ASB2: variants seen among roughly 807,000 people sequenced by gnomAD.
The protein encoded by ASB2 is ankyrin repeat and SOCS box containing 2.
Under a neutral mutation model 62.4 loss-of-function variants are expected in ASB2, and 58 were observed. The observed-to-expected ratio is 0.93, with a 90% confidence interval of 0.75 to 1.16. The LOEUF (loss-of-function observed/expected upper bound fraction) is 1.16. ASB2 is among the 50% of genes most tolerant of loss of function. ASB2 has a pLI of 0.00. For synonymous variants in ASB2, 386 were observed against 385.3 expected, an observed-to-expected ratio of 1.00 and a Z score of -0.02; for missense variants, 928 against 887.9, an observed-to-expected ratio of 1.05 and a Z score of -0.57.
intron 2 of ASB2, among the ~76,000 whole-genome samples, chr14:93,963,841 A>G (rs571862429): frequency 1.3e-3 from 191 of 152,200 alleles, no homozygotes; most frequent in African/African-American, 4.3e-3. Context: ...TCATATCTGG[A>G]TGGCGCTGCT....
Position 93,939,464 on chromosome 14 carries a change from T to A in ASB2, c.1261A>T (p.Asn421Tyr), listed in dbSNP as rs1341228817. ...RSSALYFAVVNNNVYATELLL... is the reference protein window; with the variant it reads ...RSSALYFAVVYNNVYATELLL... The stretch of plus-strand genomic sequence containing the variant: ...AGCTCGGTGGCGTACACGTTGTTGT[T>A]GACCACCGCGAAGTACAGCGCGGAG... The change falls in exon 8 of 10, where the codon AAC becomes TAC. Residue 421 changes from asparagine (N) to tyrosine (Y), a missense_variant. Physicochemically the swap from Asn to Tyr is moderately radical, Grantham distance 143. Transcript: ENST00000555019. 1 of 1,612,302 alleles carries A rather than the reference T, an allele frequency of 6.2e-7. No individual in the cohort carries two copies. The highest frequency in any genetic ancestry group is 2.2e-5 in the East Asian group (1 of 44,836).
chr14:93,961,820 G>A lies in ASB2; in HGVS notation c.206+2514C>T, dbSNP rs572704450. ...TGGGGACCCTGGGCCTCTGTGAGTG[G>A]GAGACGGACGTAATGAGGTCAAAAC... On this transcript the variant is annotated intron_variant, in intron 2 of 9. Transcript: ENST00000555019. Among the ~76,000 whole-genome samples, 17 of 152,314 alleles carry A rather than the reference G, an allele frequency of 1.1e-4. No individual in the cohort carries two copies. In the South Asian group the frequency reaches 3.3e-3, roughly 30 times the overall value.
chr14:93,944,257 C>T (rs527433710), intron 7 of ASB2: 71 of 211,282 alleles, frequency 3.4e-4, no homozygotes, highest in Non-Finnish European at 5.1e-4. Flanking sequence ...TTTCTTAATA[C>T]GTCTATCTTT....
rs1394543188 is a variant in ASB2, at chr14:93,964,547, C to T, written c.-8G>A. The stretch of plus-strand genomic sequence containing the variant: ...GCTGATCTGCGTGGCCATCCTCCTC[C>T]ACCTCTCACCCTGGCCTCCAGAACA... On this transcript the variant is annotated 5_prime_UTR_variant, in exon 2 of 10. Transcript: ENST00000555019. The T allele has an allele frequency of 6.5e-7, 1 of 1,535,978 alleles. No homozygotes were observed. The highest frequency in any genetic ancestry group is 2.0e-5 in the Admixed American group (1 of 51,004).
chr14:93,972,854 C>A (rs1889799294), intron 1 of ASB2, among the ~76,000 whole-genome samples: 1 of 152,250 alleles, frequency 6.6e-6, no homozygotes, highest in African/African-American at 2.4e-5. Context: ...TAGGGCCTCA[C>A]AGCTGCTAGG....
chr14:93,934,671 G>A lies in ASB2; in HGVS notation c.1893C>T (p.Tyr631=), dbSNP rs770176666. The A allele has an allele frequency of 1.2e-5, 20 of 1,614,032 alleles. No homozygotes were observed. Among genetic ancestry groups the A allele is most frequent in the Middle Eastern group, 1.6e-4 (1 of 6,076 alleles). ...LPGRLIRYLK[Y]ENTQ The stretch of plus-strand genomic sequence containing the variant: ...GTGGCCCCAGTTACTGGGTGTTCTC[G>A]TATTTCAGGTATCTAATCAGCCTGC... Residue 631 remains tyrosine, a synonymous_variant, in exon 10 of 10, where the codon TAC becomes TAT. Coordinates refer to ENST00000555019, the MANE Select transcript of ASB2 (RefSeq NM_001202429.2).
intron 3 of ASB2, among the ~76,000 whole-genome samples, chr14:93,955,787 G>A (rs1567027435): frequency 6.6e-6 from 1 of 152,156 alleles, no homozygotes; most frequent in Admixed American, 6.5e-5. Flanking sequence ...AGGGTTCTGG[G>A]GGTGTCAGGC....
chr14:93,967,699 G>T (rs149769286), intron 1 of ASB2, among the ~76,000 whole-genome samples: 1 of 152,144 alleles, frequency 6.6e-6, no homozygotes, highest in South Asian at 2.1e-4. Context: ...GAGACGTTTG[G>T]TTTGGCTCTG....
rs1888202362 is a variant in ASB2, at chr14:93,934,593, C to T, written c.*63G>A. On this transcript the variant is annotated 3_prime_UTR_variant, in exon 10 of 10. Transcript: ENST00000555019. ...CCAGGTCCCCTTGGAGTTGGGAACA[C>T]CGACGTCCTGAGACTTAGTAAGAAG... The T allele has an allele frequency of 1.3e-6, 2 of 1,573,120 alleles. No homozygotes were observed. Among genetic ancestry groups the T allele is most frequent in the African/African-American group, 2.7e-5 (2 of 73,948 alleles).
intron 9 of ASB2, among the ~76,000 whole-genome samples, chr14:93,936,301 T>G (rs948976840): frequency 6.6e-6 from 1 of 152,268 alleles, no homozygotes; most frequent in South Asian, 2.1e-4. Context: ...CGATTGGTTT[T>G]ACTGGCTAAC....
intron 2 of ASB2, 55 bp from the exon 3 acceptor site, chr14:93,956,925 C>T (rs75796328): frequency 1.4e-5 from 22 of 1,607,178 alleles, no homozygotes; most frequent in East Asian, 8.9e-5. Flanking sequence ...ATAGGAGAAG[C>T]GGGTCATGGC....
At position 93,956,880 on chromosome 14, in the gene ASB2, G is replaced by A. The variant is rs757645618; in HGVS notation, c.207-10C>T. 2 of 1,614,160 alleles carry A rather than the reference G, an allele frequency of 1.2e-6. No individual in the cohort carries two copies. Among genetic ancestry groups the A allele is most frequent in the South Asian group, 2.2e-5 (2 of 91,088 alleles). On this transcript the variant is annotated splice_polypyrimidine_tract_variant and intron_variant, in intron 2 of 9. Coordinates refer to ENST00000555019, the MANE Select transcript of ASB2 (RefSeq NM_001202429.2). ...AGGAGGTGCAGTGGACCTGGAGGGT[G>A]CAGAGCAGGAGTGAAAGAGGGAAAA...
In ASB2 at chr14:93,951,928, C is replaced by T. The variant is rs114044827; in HGVS notation, c.635-684G>A. ...TATAAGCCTCATCTCTCTCTAGACC[C>T]CAAACGTGCCCTTGGCTCTGGCCCC... On this transcript the variant is annotated intron_variant, in intron 5 of 9. Transcript: ENST00000555019. Among the ~76,000 whole-genome samples the T allele has an allele frequency of 9.4e-3, 1,434 of 152,332 alleles. 29 individuals are homozygous for T. The highest frequency in any genetic ancestry group is 0.033 in the African/African-American group (1,367 of 41,564).
At chr14:93,971,002 G>C (rs145168646) in intron 1 of ASB2, among the ~76,000 whole-genome samples, 97 of 152,232 alleles carry the variant, frequency 6.4e-4, no homozygotes, top group Non-Finnish European at 5.3e-4. Flanking sequence ...GAAAGTGGGT[G>C]AAACAGCCTA....
Position 93,934,707 on chromosome 14 carries a change from C to G in ASB2, c.1857G>C (p.Leu619Phe), listed in dbSNP as rs1233833316. The G allele has an allele frequency of 1.9e-6, 3 of 1,614,020 alleles. No individual in the cohort carries two copies. Among genetic ancestry groups the G allele is most frequent in the Non-Finnish European group, 2.5e-6 (3 of 1,179,996 alleles). ...ATCTAATCAGCCTGCCTGGGAGCGG[C>G]AAGGTGTCTAGGAGTTTTATACGGT... is the stretch of plus-strand genomic sequence containing the variant. ...GKYRIKLLDTLPLPGRLIRYL... is the reference protein window; with the variant it reads ...GKYRIKLLDTFPLPGRLIRYL... The change falls in exon 10 of 10, where the codon TTG becomes TTC. Residue 619 changes from leucine (L) to phenylalanine (F), a missense_variant. Transcript: ENST00000555019.
chr14:93,970,128 T>C (rs1889718434), intron 1 of ASB2, among the ~76,000 whole-genome samples: 1 of 150,794 alleles, frequency 6.6e-6, no homozygotes, highest in African/African-American at 2.4e-5. Flanking sequence ...GTGGATGGGG[T>C]GGGTCTATGT....
chr14:93,972,297 A>G (rs1349492042), intron 1 of ASB2, among the ~76,000 whole-genome samples: 1 of 151,902 alleles, frequency 6.6e-6, no homozygotes, highest in Non-Finnish European at 1.5e-5. Flanking sequence ...CTTTCCCCCC[A>G]GGATCCAGGG....
At chr14:93,960,414 T>C (rs952040877) in intron 2 of ASB2, among the ~76,000 whole-genome samples, 1 of 152,242 alleles carries the variant, frequency 6.6e-6, no homozygotes. Context: ...GTGGCTTGAT[T>C]TGAATTGTTT....
rs1206514061 is a variant in ASB2, at chr14:93,954,310, C to A, written c.478+7G>T. 1 of 1,611,566 alleles carries A rather than the reference C, an allele frequency of 6.2e-7. No homozygotes were observed. Among genetic ancestry groups the A allele is most frequent in the Non-Finnish European group, 8.5e-7 (1 of 1,179,000 alleles). On this transcript the variant is annotated splice_region_variant and intron_variant, in intron 4 of 9. Coordinates refer to ENST00000555019, the MANE Select transcript of ASB2 (RefSeq NM_001202429.2). ...ACCTCTTGCCACCGTCAGAGCCCAG[C>A]CCTCACCTCGCTGCAGGACTTTCAG...
Sources: allele counts gnomAD v4.1 joint callset (sites outside exome capture counted in the v4.1 genomes callset), GRCh38; gene constraint gnomAD v4.1.1; transcripts MANE v1.5; gene names NCBI Gene and HGNC (gene_info 2026-07-23, HGNC 2026-07-21).